The following MAGI3 variants were observed in gnomAD, a reference collection of about 807,000 sequenced individuals.
MAGI3 encodes membrane associated guanylate kinase, WW and PDZ domain containing 3.
Under a neutral mutation model 121.8 loss-of-function variants are expected in MAGI3, and 43 were observed. That is an observed-to-expected ratio of 0.35 (90% CI 0.28 to 0.46). The LOEUF (loss-of-function observed/expected upper bound fraction) is 0.46. Ranked by LOEUF, MAGI3 falls within the 20% of genes least tolerant of loss-of-function variation. The pLI is 1.00. For missense variants in MAGI3, 1,547 were observed against 1,797.3 expected, an observed-to-expected ratio of 0.86 and a Z score of 2.52; for synonymous variants, 553 against 639.3, an observed-to-expected ratio of 0.86 and a Z score of 2.04.
At chr1:113,489,028 C>T (rs912351200) in intron 1 of MAGI3, among the ~76,000 whole-genome samples, 6 of 152,220 alleles carry the variant, frequency 3.9e-5, no homozygotes, top group African/African-American at 1.4e-4. Flanking sequence ...CTGGCACCTA[C>T]TAGCACTCTG....
At chr1:113,617,211 A>C (rs1389979464) in intron 7 of MAGI3, among the ~76,000 whole-genome samples, 1 of 152,222 alleles carries the variant, frequency 6.6e-6, no homozygotes. Context: ...TTATGAAAGA[A>C]TATTTTGTTG....
chr1:113,409,686 T>C (rs1382481687), intron 1 of MAGI3, among the ~76,000 whole-genome samples: 2 of 152,106 alleles, frequency 1.3e-5, no homozygotes, highest in East Asian at 3.9e-4. Context: ...CTTCTTGGTA[T>C]TACTTTTCTG....
rs770261419 is a variant in MAGI3, at chr1:113,622,944, A to C, written c.1310A>C (p.Lys437Thr). ...AGACCTGATGAGTTCCTACAAGTGA[A>C]AAATGTGCTGAAAGATGGTCCCGCA... ...GDRPDEFLQV[K>T]NVLKDGPAAQ... Residue 437 changes from lysine to threonine, a missense_variant, in exon 9 of 21, where the codon AAA becomes ACA. Transcript: ENST00000307546. 1.3e-6 allele frequency: 2 copies of C among 1,572,364 alleles called. No homozygotes were observed. The highest frequency in any genetic ancestry group is 1.7e-6 in the Non-Finnish European group (2 of 1,166,464).
chr1:113,611,465 T>G (rs970076748), intron 6 of MAGI3, among the ~76,000 whole-genome samples: 1 of 152,168 alleles, frequency 6.6e-6, no homozygotes, highest in African/African-American at 2.4e-5. Flanking sequence ...GGAATCATCT[T>G]TGCCTCTTTC....
At chr1:113,426,543 G>T (rs1202733439) in intron 1 of MAGI3, among the ~76,000 whole-genome samples, 2 of 152,112 alleles carry the variant, frequency 1.3e-5, no homozygotes, top group African/African-American at 4.8e-5. Flanking sequence ...AAATCTGTCA[G>T]GTTTTGCTTC....
At chr1:113,636,215 G>A (rs1450377350) in intron 9 of MAGI3, among the ~76,000 whole-genome samples, 1 of 151,992 alleles carries the variant, frequency 6.6e-6, no homozygotes, top group Admixed American at 6.6e-5. Flanking sequence ...GGTTTTTTGT[G>A]TCTCTATTTC....
intron 9 of MAGI3, among the ~76,000 whole-genome samples, chr1:113,624,172 G>A (rs1651071982): frequency 6.6e-6 from 1 of 152,208 alleles, no homozygotes; most frequent in Non-Finnish European, 1.5e-5. Flanking sequence ...AAACATGGGA[G>A]TGCAGATATC....
At chr1:113,603,967 A>G (rs1328129470) in intron 6 of MAGI3, among the ~76,000 whole-genome samples, 2 of 152,198 alleles carry the variant, frequency 1.3e-5, no homozygotes, top group African/African-American at 2.4e-5. Flanking sequence ...AGCCAGAGTA[A>G]TAAGTCAAAA....
At position 113,585,433 on chromosome 1, in the gene MAGI3, T is replaced by G. The variant is rs1247058338; in HGVS notation, c.600T>G (p.Phe200Leu). 6.2e-7 allele frequency: 1 copy of G among 1,613,978 alleles called. No individual in the cohort carries two copies. Among genetic ancestry groups the G allele is most frequent in the Non-Finnish European group, 8.5e-7 (1 of 1,179,980 alleles). ...TPKPPAEPSP[F>L]QPDPVDQVLF... ...AGCCTCCAGCAGAACCCAGCCCTTTTCAGCCAGATCCAGTTGATCAAGTCC... is the reference window on the plus strand; with the variant it reads ...AGCCTCCAGCAGAACCCAGCCCTTTGCAGCCAGATCCAGTTGATCAAGTCC... The change falls in exon 4 of 21, where the codon TTT becomes TTG. Residue 200 changes from phenylalanine (F) to leucine (L), a missense_variant. Transcript: ENST00000307546.
chr1:113,392,989 A>G (rs1485781910), intron 1 of MAGI3, among the ~76,000 whole-genome samples: 1 of 152,226 alleles, frequency 6.6e-6, no homozygotes, highest in Non-Finnish European at 1.5e-5. Context: ...GTTAGGGCAT[A>G]GATGAGAATA....
At chr1:113,480,604 G>T (rs1434559473) in intron 1 of MAGI3, among the ~76,000 whole-genome samples, 1 of 152,182 alleles carries the variant, frequency 6.6e-6, no homozygotes, top group Non-Finnish European at 1.5e-5. Flanking sequence ...CCCATACAAA[G>T]GGTATTTCTC....
intron 1 of MAGI3, among the ~76,000 whole-genome samples, chr1:113,428,010 CTG>C (rs34855659): frequency 1.3e-5 from 2 of 151,412 alleles, no homozygotes; most frequent in South Asian, 2.1e-4. Flanking sequence ...TGAATGTGTT[CTG>C]TGTGTGTGTG....
chr1:113,682,088 T>G, intron 20 of MAGI3: 1 of 970,592 alleles, frequency 1.0e-6, no homozygotes, highest in Non-Finnish European at 1.4e-6. Flanking sequence ...CTTATGATTC[T>G]CTGACTGTAT....
At chr1:113,515,475 AT>A (rs1439443152) in intron 1 of MAGI3, among the ~76,000 whole-genome samples, 2 of 152,152 alleles carry the variant, frequency 1.3e-5, no homozygotes. Context: ...ACCTCCAAAA[AT>A]GATTGAATAT....
intron 14 of MAGI3, among the ~76,000 whole-genome samples, chr1:113,651,475 T>A (rs1466248230): frequency 2.0e-5 from 3 of 152,150 alleles, no homozygotes; most frequent in African/African-American, 7.2e-5. Flanking sequence ...GTGGGAGTAT[T>A]GATTTAAATC....
chr1:113,542,127 G>A (rs939441533), intron 1 of MAGI3, among the ~76,000 whole-genome samples: 2 of 151,842 alleles, frequency 1.3e-5, no homozygotes, highest in African/African-American at 4.8e-5. Flanking sequence ...CCTTATTCTT[G>A]GGGGATATGT....
chr1:113,446,970 G>C (rs1180108463), intron 1 of MAGI3, among the ~76,000 whole-genome samples: 1 of 152,170 alleles, frequency 6.6e-6, no homozygotes, highest in African/African-American at 2.4e-5. Flanking sequence ...GAGACAGGAA[G>C]TAGTATGGTG....
chr1:113,582,546 A>G (rs1570898381), intron 3 of MAGI3, among the ~76,000 whole-genome samples: 1 of 152,128 alleles, frequency 6.6e-6, no homozygotes, highest in Non-Finnish European at 1.5e-5. Context: ...GAAAGTTACA[A>G]AAGGATATGT....
At chr1:113,408,845 TC>T (rs1222011105) in intron 1 of MAGI3, among the ~76,000 whole-genome samples, 1 of 152,120 alleles carries the variant, frequency 6.6e-6, no homozygotes, top group African/African-American at 2.4e-5. Flanking sequence ...TAAATTTATT[TC>T]CTTTAGAGAT....
Sources: allele counts gnomAD v4.1 joint callset (sites outside exome capture counted in the v4.1 genomes callset), GRCh38; gene constraint gnomAD v4.1.1; transcripts MANE v1.5; gene names NCBI Gene and HGNC (gene_info 2026-07-23, HGNC 2026-07-21).